UBR2: variants seen among roughly 807,000 people sequenced by gnomAD.
The protein encoded by UBR2 is E3 ubiquitin-protein ligase UBR2.
In UBR2, 92 loss-of-function variants were observed where a neutral mutation model predicts 247.9. The observed-to-expected ratio is 0.37, with a 90% CI of 0.31 to 0.44. UBR2 has a LOEUF of 0.44. Among genes scored for constraint, UBR2 ranks in the 20% least tolerant of loss-of-function variants. The pLI, the probability that UBR2 is intolerant of heterozygous loss-of-function variation, is 1.00. For synonymous variants in UBR2, 672 were observed against 693.5 expected, an observed-to-expected ratio of 0.97 and a Z score of 0.49; for missense variants, 1,613 against 2,112.6, an observed-to-expected ratio of 0.76 and a Z score of 4.64.
chr6:42,606,104 G>A lies in UBR2; in HGVS notation c.801+245G>A, dbSNP rs1165855652. On this transcript the variant is annotated intron_variant, in intron 6 of 46. Transcript: ENST00000372901. The stretch of plus-strand genomic sequence containing the variant: ...CTAAAAATACAAAAATTAGCCAGGT[G>A]TAGTGGCATGAGCCGGTAATCCCAG... Among the ~76,000 whole-genome samples the A allele has an allele frequency of 2.0e-5, 3 of 152,088 alleles. No homozygotes were observed. In the South Asian group the frequency reaches 6.2e-4, roughly 32 times the overall value.
chr6:42,686,966 G>T (rs1331028674), intron 44 of UBR2, among the ~76,000 whole-genome samples: 2 of 151,558 alleles, frequency 1.3e-5, no homozygotes, highest in African/African-American at 4.9e-5. Flanking sequence ...CCAGACGATG[G>T]GCGGCCGGGC....
intron 3 of UBR2, 56 bp from the exon 4 acceptor site, chr6:42,594,135 T>C: frequency 7.6e-7 from 1 of 1,314,934 alleles, no homozygotes; most frequent in Non-Finnish European, 1.1e-6. Flanking sequence ...TTATTTATTA[T>C]CTGATAGCCC....
chr6:42,622,314 T>G (rs1795039925), intron 11 of UBR2, among the ~76,000 whole-genome samples: 1 of 151,712 alleles, frequency 6.6e-6, no homozygotes, highest in Non-Finnish European at 1.5e-5. Flanking sequence ...CCACTGCGCC[T>G]GGCCCCCATT....
Position 42,658,810 on chromosome 6 carries a change from T to C in UBR2, c.3228T>C (p.Ala1076=). Residue 1076 remains alanine, a synonymous_variant, in exon 29 of 47, where the codon GCT becomes GCC. Coordinates refer to ENST00000372901, the MANE Select transcript of UBR2 (RefSeq NM_001363705.2). The stretch of plus-strand genomic sequence containing the variant: ...TAGAACTGGATGCCTCAACCTCTGC[T>C]GTTCTTGATCATAGGTAAAAAAAAA... ...QTLELDASTS[A]VLDHSPVASD... 6.4e-7 allele frequency: 1 copy of C among 1,556,124 alleles called. No homozygotes were observed. The highest frequency in any genetic ancestry group is 2.2e-5 in the Admixed American group (1 of 45,382).
At chr6:42,658,516 TTC>T (rs1797574545) in intron 28 of UBR2, 128 bp from the exon 29 acceptor site, 1 of 1,148,384 alleles carries the variant, frequency 8.7e-7, no homozygotes, top group Non-Finnish European at 1.2e-6. Flanking sequence ...TAAGAGTCTT[TTC>T]TCTTATTTAA....
intron 2 of UBR2, among the ~76,000 whole-genome samples, chr6:42,591,598 A>G (rs1392360528): frequency 1.3e-5 from 2 of 152,218 alleles, no homozygotes; most frequent in African/African-American, 4.8e-5. Flanking sequence ...GGAGACCTGT[A>G]TCATTCAGTG....
chr6:42,691,539 CA>C lies in UBR2; in HGVS notation c.*369del, dbSNP rs1799751805. The C allele has an allele frequency of 3.9e-5, 11 of 284,346 alleles. No individual in the cohort carries two copies. The highest frequency in any genetic ancestry group is 3.4e-4 in the South Asian group (10 of 29,466). The allele number at this position is 284,346 out of a possible 1,614,324, so 17.6% of individuals were successfully genotyped here. On this transcript the variant is annotated 3_prime_UTR_variant, in exon 47 of 47. Transcript: ENST00000372901. ...AAGCTGACTCAACGGAGGCAGGGAACAAAGTCTCTGTGGTCTGTTGGGTCAT... is the reference window on the plus strand; with the variant it reads ...AAGCTGACTCAACGGAGGCAGGGAACAAGTCTCTGTGGTCTGTTGGGTCAT...
At chr6:42,598,726 A>T (rs770180451) in intron 4 of UBR2, among the ~76,000 whole-genome samples, 1 of 152,186 alleles carries the variant, frequency 6.6e-6, no homozygotes, top group Non-Finnish European at 1.5e-5. Context: ...TCCTGGTGTG[A>T]ATCTCATAAC....
chr6:42,585,866 T>C (rs1286673359), intron 2 of UBR2, among the ~76,000 whole-genome samples: 1 of 152,154 alleles, frequency 6.6e-6, no homozygotes, highest in Non-Finnish European at 1.5e-5. Flanking sequence ...TTGTCTTTTA[T>C]CTATTTTGTT....
chr6:42,632,069 AATATAT>A (rs1554254886), intron 11 of UBR2, among the ~76,000 whole-genome samples: 1 of 114,078 alleles, frequency 8.8e-6, no homozygotes, highest in African/African-American at 3.4e-5. Context: ...AAAAAAAAAA[AATATAT>A]ATATATATAT....
chr6:42,673,810 T>G lies in UBR2; in HGVS notation c.4106T>G (p.Leu1369Trp). The change falls in exon 37 of 47, where the codon TTG becomes TGG. Residue 1369 changes from leucine (L) to tryptophan (W), a missense_variant. This residue lies in a region of UBR2 where 1,524 missense variants were observed against 1,967.3 expected (regional missense o/e 0.77). Transcript: ENST00000372901. ...TTTTAGGATGACTGTCTTAGGTCAT[T>G]GACGAGATTTGCCGCAGCACACTGG... Reference protein sequence around the residue: ...PCRLDDCLRSLTRFAAAHWTV... With the variant: ...PCRLDDCLRSWTRFAAAHWTV... 6.2e-7 allele frequency: 1 copy of G among 1,613,874 alleles called. No homozygotes were observed. The highest frequency in any genetic ancestry group is 8.5e-7 in the Non-Finnish European group (1 of 1,179,818).
intron 11 of UBR2, among the ~76,000 whole-genome samples, chr6:42,628,416 T>G (rs973633000): frequency 2.0e-5 from 3 of 148,254 alleles, no homozygotes; most frequent in African/African-American, 7.9e-5. Context: ...GTCTTCATTT[T>G]TAGTTTGGTC....
intron 11 of UBR2, among the ~76,000 whole-genome samples, chr6:42,624,873 A>G (rs931477175): frequency 6.6e-6 from 1 of 152,230 alleles, no homozygotes; most frequent in Non-Finnish European, 1.5e-5. Context: ...GCTGGTTATC[A>G]TTTAACTTAC....
chr6:42,649,678 G>A (rs1050421549), intron 22 of UBR2, among the ~76,000 whole-genome samples: 4 of 152,028 alleles, frequency 2.6e-5, no homozygotes, highest in Non-Finnish European at 4.4e-5. Context: ...TTTATTGGCC[G>A]TTTATTTTTT....
At chr6:42,670,635 C>T (rs372763871) in intron 35 of UBR2, 25 bp from the exon 36 acceptor site, 338 of 1,500,298 alleles carry the variant, frequency 2.3e-4, no homozygotes, top group Non-Finnish European at 3.0e-4. Context: ...TAACATTTAC[C>T]ATTTTAACCA....
chr6:42,607,565 G>A (rs1326175376), intron 7 of UBR2, among the ~76,000 whole-genome samples: 1 of 151,610 alleles, frequency 6.6e-6, no homozygotes, highest in Non-Finnish European at 1.5e-5. Context: ...CCCAGGCTGG[G>A]GTTTAGTGGC....
intron 38 of UBR2, among the ~76,000 whole-genome samples, chr6:42,675,681 CA>C (rs1225937488): frequency 6.6e-6 from 1 of 152,082 alleles, no homozygotes; most frequent in East Asian, 1.9e-4. Context: ...GAAATGTGAC[CA>C]GGCGCGGTGG....
chr6:42,652,437 A>G (rs1797177868), intron 24 of UBR2, 54 bp from the exon 25 acceptor site: 1 of 1,525,772 alleles, frequency 6.6e-7, no homozygotes, highest in Non-Finnish European at 8.8e-7. Context: ...ACAAAGAGAT[A>G]GTTTCTAAAG....
rs146257159 is a variant in UBR2, at chr6:42,662,758, G to A, written c.3536+481G>A. Among the ~76,000 whole-genome samples the A allele has an allele frequency of 2.4e-3, 362 of 152,102 alleles. 1 individual carries two copies. Among genetic ancestry groups the A allele is most frequent in the African/African-American group, 8.3e-3 (344 of 41,494 alleles). ...ACAAATCAATAATACTATTATTCTAGAACTATGCTCACCCAGTTATCATGA... is the reference window on the plus strand; with the variant it reads ...ACAAATCAATAATACTATTATTCTAAAACTATGCTCACCCAGTTATCATGA... On this transcript the variant is annotated intron_variant, in intron 31 of 46. Transcript: ENST00000372901.
Sources: allele counts gnomAD v4.1 joint callset (sites outside exome capture counted in the v4.1 genomes callset), GRCh38; gene constraint gnomAD v4.1.1; regional missense constraint gnomAD v4.1.1; transcripts MANE v1.5; gene names NCBI Gene and HGNC (gene_info 2026-07-23, HGNC 2026-07-21).